EYS: variants seen among roughly 807,000 people sequenced by gnomAD.
The protein encoded by EYS is EGF-like photoreceptor maintenance factor.
EYS carries 250 observed loss-of-function variants against 282.1 expected under a neutral mutation model. The ratio of observed to expected loss-of-function variants is 0.89; its 90% CI spans 0.80 to 0.98. EYS has a LOEUF of 0.98. Ranked by LOEUF, EYS falls within the 50% of genes least tolerant of loss-of-function variation. EYS has a pLI of 0.00. For missense variants in EYS, 4,016 were observed against 3,709.0 expected (o/e 1.08, Z -2.15); for synonymous variants, 1,355 against 1,282.9 (o/e 1.06, Z -1.20).
At position 65,495,297 on chromosome 6, in the gene EYS, T is replaced by C. The variant is rs778075135; in HGVS notation, c.114A>G (p.Ser38=). The change falls in exon 4 of 43, where the codon TCA becomes TCG. Residue 38 remains serine, a synonymous_variant. Transcript: ENST00000503581. The stretch of plus-strand genomic sequence containing the variant: ...CTGTTAGTGTCCAATTTACCACATA[T>C]GATGAGGGTTGTGGATGCCATTCTT... ...LVEEWHPQPS[S]YVVNWTLTEN... is the part of the protein sequence containing the mutation. 3 of 1,614,080 alleles carry C rather than the reference T, an allele frequency of 1.9e-6. No homozygotes were observed. The highest frequency in any genetic ancestry group is 1.7e-5 in the Admixed American group (1 of 60,016).
chr6:64,824,978 T>C (rs1583196797), intron 19 of EYS, among the ~76,000 whole-genome samples: 2 of 151,850 alleles, frequency 1.3e-5, no homozygotes, highest in East Asian at 3.9e-4. Context: ...ATTTTTAACA[T>C]TATAGTCCTT....
chr6:64,131,550 G>T (rs1773980727), intron 31 of EYS, among the ~76,000 whole-genome samples: 1 of 152,064 alleles, frequency 6.6e-6, no homozygotes, highest in South Asian at 2.1e-4. Context: ...AGCAGTGCGG[G>T]GAGTACAGTA....
chr6:65,643,721 C>T (rs1266650073), intron 1 of EYS, among the ~76,000 whole-genome samples: 1 of 152,146 alleles, frequency 6.6e-6, no homozygotes, highest in Non-Finnish European at 1.5e-5. Flanking sequence ...CTGGTATCCA[C>T]AGCTGAAAGA....
intron 26 of EYS, among the ~76,000 whole-genome samples, chr6:64,454,969 G>T (rs986182910): frequency 1.3e-5 from 2 of 151,996 alleles, no homozygotes; most frequent in Admixed American, 6.6e-5. Flanking sequence ...TTAATTTGTT[G>T]CCATTTTAAA....
chr6:64,686,085 C>G (rs1264277495), intron 22 of EYS, among the ~76,000 whole-genome samples: 1 of 149,322 alleles, frequency 6.7e-6, no homozygotes, highest in East Asian at 2.0e-4. Context: ...TTAGAAAATA[C>G]TTTTAACATT....
Position 65,473,847 on chromosome 6 carries a change from C to CAA in EYS, c.862+16745_862+16746dup, listed in dbSNP as rs377100286. ...AATGTTGGTTATGGGATTTTTGTCT[C>CAA]AAAAAAAAAAAAAAGGAAATGTAGA... On this transcript the variant is annotated intron_variant, in intron 5 of 42. Transcript: ENST00000503581. Among the ~76,000 whole-genome samples, 614 of 117,884 alleles carry CAA rather than the reference C, an allele frequency of 5.2e-3. 7 individuals carry two copies. Among genetic ancestry groups the CAA allele is most frequent in the Admixed American group, 0.027 (326 of 12,030 alleles). 77.3% of individuals were successfully genotyped at this position (117,884 alleles called of 152,430 possible).
intron 26 of EYS, among the ~76,000 whole-genome samples, chr6:64,563,341 G>A (rs1765459350): frequency 6.6e-6 from 1 of 151,122 alleles, no homozygotes; most frequent in South Asian, 2.1e-4. Flanking sequence ...TTTTGAAGCA[G>A]ATGAAAAAAG....
chr6:64,478,356 T>C (rs189440335), intron 26 of EYS, among the ~76,000 whole-genome samples: 68 of 151,994 alleles, frequency 4.5e-4, no homozygotes, highest in African/African-American at 1.6e-3. Flanking sequence ...ATGTACATAA[T>C]AGATGCTTAC....
intron 26 of EYS, among the ~76,000 whole-genome samples, chr6:64,455,826 ACTTTC>A (rs1167785370): frequency 2.0e-5 from 3 of 151,992 alleles, no homozygotes; most frequent in African/African-American, 7.2e-5. Context: ...TCATTAAAAA[ACTTTC>A]CTTCTATTCT....
intron 33 of EYS, among the ~76,000 whole-genome samples, chr6:64,065,305 T>G (rs1006958466): frequency 6.6e-6 from 1 of 152,174 alleles, no homozygotes; most frequent in South Asian, 2.1e-4. Flanking sequence ...CTTATCTAAT[T>G]GTCATTTTAA....
At chr6:63,937,673 G>A (rs560203533) in intron 35 of EYS, among the ~76,000 whole-genome samples, 1 of 152,028 alleles carries the variant, frequency 6.6e-6, no homozygotes, top group Admixed American at 6.5e-5. Flanking sequence ...GAGCCACCGC[G>A]CCTGGCCAGG....
At chr6:64,206,691 C>G (rs1235883318) in intron 31 of EYS, among the ~76,000 whole-genome samples, 1 of 152,124 alleles carries the variant, frequency 6.6e-6, no homozygotes, top group Non-Finnish European at 1.5e-5. Flanking sequence ...TGTTTCACAC[C>G]GTGACAGGCT....
At chr6:63,729,854 C>T (rs1768738449) in intron 41 of EYS, among the ~76,000 whole-genome samples, 1 of 152,142 alleles carries the variant, frequency 6.6e-6, no homozygotes. Context: ...AGTGACCTCT[C>T]ATCTAATTCC....
At chr6:64,265,007 G>T (rs1195414094) in intron 30 of EYS, among the ~76,000 whole-genome samples, 1 of 152,058 alleles carries the variant, frequency 6.6e-6, no homozygotes, top group Non-Finnish European at 1.5e-5. Flanking sequence ...CAGTGGAGAA[G>T]CCATAAAATG....
intron 36 of EYS, among the ~76,000 whole-genome samples, chr6:63,849,139 T>G (rs1246390716): frequency 6.6e-6 from 1 of 152,100 alleles, no homozygotes; most frequent in Non-Finnish European, 1.5e-5. Flanking sequence ...CTCTCTAGAT[T>G]CCTCCTCTCT....
At chr6:64,145,325 A>G (rs993294570) in intron 31 of EYS, among the ~76,000 whole-genome samples, 13 of 152,206 alleles carry the variant, frequency 8.5e-5, no homozygotes, top group East Asian at 1.9e-4. Context: ...CACAAAATGC[A>G]TGGAAAGAAA....
At chr6:64,288,022 C>T (rs1465939344) in intron 30 of EYS, among the ~76,000 whole-genome samples, 1 of 152,090 alleles carries the variant, frequency 6.6e-6, no homozygotes, top group East Asian at 1.9e-4. Context: ...CTGTGAAGAA[C>T]ATTACTGTCA....
At chr6:64,990,220 C>T (rs999591827) in intron 14 of EYS, among the ~76,000 whole-genome samples, 6 of 151,600 alleles carry the variant, frequency 4.0e-5, no homozygotes, top group Admixed American at 1.3e-4. Flanking sequence ...TTTTATTTCT[C>T]TATGAACCCC....
intron 12 of EYS, among the ~76,000 whole-genome samples, chr6:65,111,694 A>C (rs1444492139): frequency 6.6e-6 from 1 of 152,110 alleles, no homozygotes; most frequent in Admixed American, 6.6e-5. Flanking sequence ...CTAAAAGTAC[A>C]AAAATAGCCA....
Sources: gnomAD v4.1 joint callset for allele counts (sites outside exome capture counted in the v4.1 genomes callset) on GRCh38, gnomAD v4.1.1 for gene constraint, MANE v1.5 for transcripts, NCBI Gene and HGNC (gene_info 2026-07-23, HGNC 2026-07-21) for gene names.